RORA: variants seen among roughly 807,000 people sequenced by gnomAD.
RORA encodes the protein RAR related orphan receptor A.
In RORA, 7 loss-of-function variants were observed where a neutral mutation model predicts 69.5. The ratio of observed to expected loss-of-function variants is 0.10; its 90% CI spans 0.06 to 0.19. RORA has a LOEUF of 0.19. RORA is among the 10% of genes least tolerant of loss of function. RORA has a pLI of 1.00. For missense variants in RORA, 457 were observed against 663.0 expected (o/e 0.69, Z 3.41); for synonymous variants, 261 against 240.8 (o/e 1.08, Z -0.78).
rs566250970 is a variant in RORA, at chr15:61,191,002, A to T, written c.166+38051T>A. Among the ~76,000 whole-genome samples, 11 of 147,370 alleles carry T rather than the reference A, an allele frequency of 7.5e-5. No individual in the cohort carries two copies. In the South Asian group the frequency reaches 2.3e-3, roughly 31 times the overall value. The stretch of plus-strand genomic sequence containing the variant: ...ATTTTTAGCCTTTCAGCTGAGAGGA[A>T]ATGGTCCAAAAAAAAAAATACTAAA... On this transcript the variant is annotated intron_variant, in intron 1 of 10. Coordinates refer to ENST00000335670, the MANE Select transcript of RORA (RefSeq NM_134261.3).
chr15:61,119,215 T>C (rs1483311184), intron 1 of RORA, among the ~76,000 whole-genome samples: 1 of 151,910 alleles, frequency 6.6e-6, no homozygotes, highest in Non-Finnish European at 1.5e-5. Flanking sequence ...GTTTCGTTTC[T>C]TGAGGCAGGG....
Position 60,495,987 on chromosome 15 carries a change from A to G in RORA, c.*1468T>C, listed in dbSNP as rs2065157827. 6.6e-6 allele frequency: 1 copy of G among 152,208 alleles called. No individual in the cohort carries two copies. 9.4% of individuals were successfully genotyped at this position (152,208 alleles called of 1,614,324 possible). A position where few individuals can be genotyped will look rare whatever the true frequency, so the allele number is the denominator to read the frequency against. On this transcript the variant is annotated 3_prime_UTR_variant, in exon 11 of 11. Transcript: ENST00000335670. ...CCACAGTTTCCTAGTGAAGATAAATACAAGAGTAAATGTTTGCAGCTAGCA... is the reference window on the plus strand; with the variant it reads ...CCACAGTTTCCTAGTGAAGATAAATGCAAGAGTAAATGTTTGCAGCTAGCA...
chr15:61,100,310 G>A (rs2078861041), intron 1 of RORA, among the ~76,000 whole-genome samples: 1 of 151,974 alleles, frequency 6.6e-6, no homozygotes, highest in Non-Finnish European at 1.5e-5. Flanking sequence ...AGTAGAGATG[G>A]GGTTTTGCCA....
At chr15:61,220,772 CAA>C (rs1340944775) in intron 1 of RORA, among the ~76,000 whole-genome samples, 1 of 152,234 alleles carries the variant, frequency 6.6e-6, no homozygotes, top group Admixed American at 6.5e-5. Context: ...CATAACTTCT[CAA>C]AGTGTCAACT....
At chr15:61,062,635 C>T (rs2078202813) in intron 1 of RORA, among the ~76,000 whole-genome samples, 1 of 152,182 alleles carries the variant, frequency 6.6e-6, no homozygotes, top group African/African-American at 2.4e-5. Context: ...CTTCAGGACT[C>T]TCTGGGAGCA....
At chr15:61,155,787 C>G (rs1199728478) in intron 1 of RORA, among the ~76,000 whole-genome samples, 1 of 152,194 alleles carries the variant, frequency 6.6e-6, no homozygotes, top group Non-Finnish European at 1.5e-5. Context: ...TGTTTACAAA[C>G]AGCAAAGCTG....
At chr15:60,722,911 T>A (rs78930843) in intron 1 of RORA, among the ~76,000 whole-genome samples, 2,105 of 152,220 alleles carry the variant, frequency 0.014, 51 homozygotes, top group African/African-American at 0.048. Flanking sequence ...CAGGGTGCAG[T>A]GAGTCAGGCA....
intron 2 of RORA, among the ~76,000 whole-genome samples, chr15:60,645,548 C>T (rs1178319403): frequency 5.9e-5 from 9 of 151,836 alleles, no homozygotes; most frequent in Admixed American, 5.2e-4. Flanking sequence ...TGCGCCATCA[C>T]GCCTGGCTAA....
At chr15:60,634,413 TTC>T (rs1252110876) in intron 2 of RORA, among the ~76,000 whole-genome samples, 2,503 of 146,132 alleles carry the variant, frequency 0.017, 90 homozygotes, top group African/African-American at 0.064. Flanking sequence ...TTTTTTTTTT[TTC>T]TTTTTTTTGA....
intron 1 of RORA, among the ~76,000 whole-genome samples, chr15:61,036,240 G>A (rs1041352757): frequency 6.6e-6 from 1 of 152,118 alleles, no homozygotes; most frequent in African/African-American, 2.4e-5. Flanking sequence ...AGAAAGACAG[G>A]AAAGACATGA....
At chr15:60,941,657 C>G (rs1382838773) in intron 1 of RORA, among the ~76,000 whole-genome samples, 1 of 152,194 alleles carries the variant, frequency 6.6e-6, no homozygotes, top group Non-Finnish European at 1.5e-5. Context: ...TGAGTGCTCA[C>G]TTTGTATTCT....
intron 1 of RORA, among the ~76,000 whole-genome samples, chr15:60,806,489 G>A (rs1178624077): frequency 6.6e-6 from 1 of 152,124 alleles, no homozygotes; most frequent in Non-Finnish European, 1.5e-5. Flanking sequence ...TATTACTAAC[G>A]GAAACTTCTA....
chr15:61,134,869 C>G (rs2140851372), intron 1 of RORA, among the ~76,000 whole-genome samples: 1 of 152,264 alleles, frequency 6.6e-6, no homozygotes, highest in African/African-American at 2.4e-5. Flanking sequence ...CTTCTACTTA[C>G]TACCGCCTAT....
chr15:60,978,499 G>A lies in RORA; in HGVS notation c.166+250554C>T, dbSNP rs377684783. Among the ~76,000 whole-genome samples, 14 of 152,090 alleles carry A rather than the reference G, an allele frequency of 9.2e-5. No homozygotes were observed. In the East Asian group the frequency reaches 1.9e-3, roughly 21 times the overall value. ...TTTCACTTTCTTGGTAGTGTCCATT[G>A]ATTCACAAAAGTTTTTAGTTTTGTT... On this transcript the variant is annotated intron_variant, in intron 1 of 10. Transcript: ENST00000335670.
At chr15:60,519,162 A>C (rs2066070358) in intron 3 of RORA, among the ~76,000 whole-genome samples, 1 of 152,008 alleles carries the variant, frequency 6.6e-6, no homozygotes, top group African/African-American at 2.4e-5. Flanking sequence ...CTAAGGGGGG[A>C]CTACTGTGTA....
chr15:60,998,679 G>A (rs899380008), intron 1 of RORA, among the ~76,000 whole-genome samples: 11 of 151,524 alleles, frequency 7.3e-5, no homozygotes, highest in Admixed American at 3.3e-4. Flanking sequence ...GATTACAGGC[G>A]TGAGCCACCG....
At chr15:61,029,825 G>A (rs1435406850) in intron 1 of RORA, among the ~76,000 whole-genome samples, 1 of 152,176 alleles carries the variant, frequency 6.6e-6, no homozygotes, top group Non-Finnish European at 1.5e-5. Flanking sequence ...GGAGATCAAA[G>A]CCTTTGGTAT....
At chr15:61,039,910 G>A (rs1328026196) in intron 1 of RORA, among the ~76,000 whole-genome samples, 2 of 151,222 alleles carry the variant, frequency 1.3e-5, no homozygotes, top group Admixed American at 6.6e-5. Context: ...TTTAACAAAG[G>A]ACCCAGGTAA....
intron 2 of RORA, among the ~76,000 whole-genome samples, chr15:60,568,418 G>A (rs1389853619): frequency 6.6e-6 from 1 of 152,238 alleles, no homozygotes; most frequent in Admixed American, 6.5e-5. Context: ...TACTGCTGAT[G>A]TAGTTAAGGG....
Sources: gnomAD v4.1 joint callset for allele counts (sites outside exome capture counted in the v4.1 genomes callset) on GRCh38, gnomAD v4.1.1 for gene constraint, MANE v1.5 for transcripts, NCBI Gene and HGNC (gene_info 2026-07-23, HGNC 2026-07-21) for gene names.